Variants in HDAC9 observed in about 807,000 individuals in gnomAD.
HDAC9 encodes the protein histone deacetylase 9.
A neutral mutation model predicts 139.4 loss-of-function variants in HDAC9; 41 were observed. The ratio of observed to expected loss-of-function variants is 0.29; its 90% CI spans 0.23 to 0.38. The LOEUF (loss-of-function observed/expected upper bound fraction) is 0.38. HDAC9 is among the 10% of genes least tolerant of loss of function. HDAC9 has a pLI of 1.00. For synonymous variants in HDAC9, 517 were observed against 476.2 expected, an observed-to-expected ratio of 1.09 and a Z score of -1.12; for missense variants, 1,147 against 1,297.0, an observed-to-expected ratio of 0.88 and a Z score of 1.78.
intron 21 of HDAC9, among the ~76,000 whole-genome samples, chr7:18,840,226 A>T (rs978092601): frequency 3.0e-4 from 46 of 152,074 alleles, no homozygotes; most frequent in Admixed American, 3.9e-4. Context: ...AGAGCTCTTG[A>T]TCTGGGTTCT....
chr7:18,194,437 G>A (rs1056660281), intron 2 of HDAC9, among the ~76,000 whole-genome samples: 1 of 152,042 alleles, frequency 6.6e-6, no homozygotes, highest in Non-Finnish European at 1.5e-5. Flanking sequence ...GCACTTTAGT[G>A]GCATTAAGTA....
At chr7:18,349,689 C>G (rs777604036) in intron 1 of HDAC9, among the ~76,000 whole-genome samples, 1 of 149,698 alleles carries the variant, frequency 6.7e-6, no homozygotes, top group Non-Finnish European at 1.5e-5. Context: ...GTATACTTTT[C>G]TAAACAAAGT....
intron 13 of HDAC9, among the ~76,000 whole-genome samples, chr7:18,740,076 C>T (rs935390133): frequency 1.3e-5 from 2 of 152,246 alleles, no homozygotes; most frequent in African/African-American, 4.8e-5. Context: ...CCTGCCAAGC[C>T]AGGCACGGAA....
chr7:18,913,927 A>G (rs1802959874), intron 22 of HDAC9, among the ~76,000 whole-genome samples: 1 of 152,132 alleles, frequency 6.6e-6, no homozygotes, highest in Non-Finnish European at 1.5e-5. Flanking sequence ...CAAAAAAACA[A>G]AACCAAGGAA....
chr7:18,311,355 A>T (rs568757265), intron 1 of HDAC9, among the ~76,000 whole-genome samples: 1 of 152,096 alleles, frequency 6.6e-6, no homozygotes, highest in Non-Finnish European at 1.5e-5. Flanking sequence ...GAAATAATGA[A>T]TCAACTTTTA....
chr7:18,437,640 T>C (rs1005874033), intron 1 of HDAC9, among the ~76,000 whole-genome samples: 7 of 151,376 alleles, frequency 4.6e-5, no homozygotes, highest in African/African-American at 1.5e-4. Context: ...CACGCACACA[T>C]TGTTTGGTAC....
intron 13 of HDAC9, among the ~76,000 whole-genome samples, chr7:18,744,816 A>C (rs1787791492): frequency 6.6e-6 from 1 of 152,176 alleles, no homozygotes; most frequent in East Asian, 1.9e-4. Context: ...AAGTTTATCT[A>C]AAAAATTTAT....
chr7:18,585,175 G>A, intron 2 of HDAC9, 106 bp from the exon 3 acceptor site: 1 of 1,241,936 alleles, frequency 8.1e-7, no homozygotes, highest in Non-Finnish European at 1.1e-6. Flanking sequence ...CATAAAATTT[G>A]TTGTACAGGG....
intron 2 of HDAC9, among the ~76,000 whole-genome samples, chr7:18,249,436 G>A (rs1794773107): frequency 6.8e-6 from 1 of 146,334 alleles, no homozygotes; most frequent in Admixed American, 7.0e-5. Flanking sequence ...CTGGGAAGTG[G>A]AGGTTTCAAT....
At chr7:18,300,973 C>G (rs770234197) in intron 1 of HDAC9, among the ~76,000 whole-genome samples, 1 of 151,950 alleles carries the variant, frequency 6.6e-6, no homozygotes, top group Non-Finnish European at 1.5e-5. Context: ...GAGAAAACTC[C>G]TGTCAAATAA....
At chr7:18,930,521 A>G (rs1488131700) in intron 22 of HDAC9, among the ~76,000 whole-genome samples, 1 of 152,188 alleles carries the variant, frequency 6.6e-6, no homozygotes, top group Non-Finnish European at 1.5e-5. Context: ...GTCCTGAAAA[A>G]TAATACCTTC....
chr7:18,250,239 G>A (rs1794833282), intron 2 of HDAC9, among the ~76,000 whole-genome samples: 1 of 152,160 alleles, frequency 6.6e-6, no homozygotes, highest in Admixed American at 6.5e-5. Context: ...TGGGTTTAGA[G>A]GCAACATCTA....
chr7:18,361,423 T>G (rs1783768200), intron 1 of HDAC9, among the ~76,000 whole-genome samples: 1 of 152,150 alleles, frequency 6.6e-6, no homozygotes, highest in South Asian at 2.1e-4. Flanking sequence ...GCATGTCGAT[T>G]TATTTGGGTA....
intron 1 of HDAC9, among the ~76,000 whole-genome samples, chr7:18,395,630 G>A (rs1786957868): frequency 6.6e-6 from 1 of 151,376 alleles, no homozygotes; most frequent in Non-Finnish European, 1.5e-5. Context: ...TTTTTCCTGA[G>A]ATTGGATTTC....
chr7:18,669,741 G>T (rs1795549915), intron 12 of HDAC9, among the ~76,000 whole-genome samples: 1 of 151,814 alleles, frequency 6.6e-6, no homozygotes. Flanking sequence ...TATATAGGGT[G>T]AGTTTTAAAA....
rs932302869 is a variant in HDAC9, at chr7:18,793,400, C to T, written c.2270C>T (p.Ala757Val). ...CACTCGTCCGGTGCTGCACGCATGG[C>T]TGTTGGCTGTGTCATCGAGCTGGCT... The part of the protein sequence containing the change: ...ELHSSGAARM[A>V]VGCVIELASK... Residue 757 changes from alanine to valine, a missense_variant, in exon 17 of 26, where the codon GCT (alanine) becomes GTT (valine). Ala to Val is a moderately conservative substitution (Grantham distance 64). Around this residue, in one of 7 missense-constraint regions of HDAC9, gnomAD observed 407 missense variants for 521.5 expected, o/e 0.78. Transcript: ENST00000686413. 6.3e-7 allele frequency: 1 copy of T among 1,586,860 alleles called. No homozygotes were observed. Among genetic ancestry groups the T allele is most frequent in the Non-Finnish European group, 8.6e-7 (1 of 1,166,554 alleles).
chr7:18,256,207 G>A (rs893371169), intron 2 of HDAC9, among the ~76,000 whole-genome samples: 1 of 152,096 alleles, frequency 6.6e-6, no homozygotes, highest in Admixed American at 6.6e-5. Context: ...AGATAGTAAT[G>A]CTGTTGCTTA....
chr7:18,625,355 A>G (rs538261731), intron 6 of HDAC9, among the ~76,000 whole-genome samples: 397 of 152,272 alleles, frequency 2.6e-3, no homozygotes, highest in Non-Finnish European at 4.4e-3. Context: ...CAGTACAATT[A>G]TTAACAGCTG....
At chr7:18,955,288 C>T (rs938949291) in intron 24 of HDAC9, among the ~76,000 whole-genome samples, 6 of 151,960 alleles carry the variant, frequency 3.9e-5, no homozygotes, top group African/African-American at 1.4e-4. Context: ...CTGTCATTGT[C>T]CTGTCTTTGT....
Sources: allele counts gnomAD v4.1 joint callset (sites outside exome capture counted in the v4.1 genomes callset), GRCh38; gene constraint gnomAD v4.1.1; regional missense constraint gnomAD v4.1.1; transcripts MANE v1.5; gene names NCBI Gene and HGNC (gene_info 2026-07-23, HGNC 2026-07-21).